The following MAPK10 variants were observed in gnomAD, a reference collection of about 807,000 sequenced individuals.
MAPK10 encodes the protein JNK3 alpha protein kinase.
A neutral mutation model predicts 59.3 loss-of-function variants in MAPK10; 25 were observed. That is an observed-to-expected ratio of 0.42 (90% CI 0.31 to 0.59). The LOEUF (loss-of-function observed/expected upper bound fraction) is 0.59. Among genes scored for constraint, MAPK10 ranks in the 20% least tolerant of loss-of-function variants. The pLI, the probability that MAPK10 is intolerant of heterozygous loss-of-function variation, is 0.15. For missense variants in MAPK10, 351 were observed against 568.9 expected (o/e 0.62, Z 3.90); for synonymous variants, 190 against 200.5 (o/e 0.95, Z 0.44).
At chr4:86,286,167 A>G (rs1378719051) in intron 2 of MAPK10, among the ~76,000 whole-genome samples, 1 of 152,238 alleles carries the variant, frequency 6.6e-6, no homozygotes, top group Admixed American at 6.5e-5. Context: ...TTTTAAAGAA[A>G]TGTGTAAACC....
At chr4:86,185,410 G>C (rs1030305191) in intron 3 of MAPK10, among the ~76,000 whole-genome samples, 2 of 152,120 alleles carry the variant, frequency 1.3e-5, no homozygotes, top group African/African-American at 2.4e-5. Flanking sequence ...GATAACAGAA[G>C]AACATTTTAG....
chr4:86,148,280 G>T (rs1179055782), intron 4 of MAPK10, among the ~76,000 whole-genome samples: 1 of 152,206 alleles, frequency 6.6e-6, no homozygotes. Flanking sequence ...ATGTGAAAAT[G>T]AGAGCAATTT....
intron 13 of MAPK10, chr4:86,024,597 G>A (rs1477310367): frequency 6.6e-6 from 1 of 152,162 alleles, no homozygotes; most frequent in Non-Finnish European, 1.5e-5. Flanking sequence ...CTACTGCTGA[G>A]TAGTAGCACA....
At chr4:86,483,801 G>A (rs1257970895) in intron 1 of MAPK10, among the ~76,000 whole-genome samples, 1 of 152,124 alleles carries the variant, frequency 6.6e-6, no homozygotes, top group South Asian at 2.1e-4. Flanking sequence ...ATCATGAAAT[G>A]AGATTAGATG....
At chr4:86,227,228 C>A (rs1019685087) in intron 2 of MAPK10, among the ~76,000 whole-genome samples, 3 of 152,060 alleles carry the variant, frequency 2.0e-5, no homozygotes, top group African/African-American at 7.2e-5. Context: ...TGGCTCATGC[C>A]TATAATCCCA....
chr4:86,544,066 G>C (rs930177018), intron 1 of MAPK10, among the ~76,000 whole-genome samples: 4 of 152,188 alleles, frequency 2.6e-5, no homozygotes, highest in Admixed American at 2.6e-4. Context: ...TGCTCATGTG[G>C]AGGGAGAGAA....
chr4:86,051,057 G>A (rs1017246518), intron 11 of MAPK10, among the ~76,000 whole-genome samples: 2 of 152,072 alleles, frequency 1.3e-5, no homozygotes, highest in African/African-American at 4.8e-5. Context: ...TTTGATTGTT[G>A]ATTGAACTCA....
At chr4:86,284,022 C>T (rs1237988010) in intron 2 of MAPK10, among the ~76,000 whole-genome samples, 1 of 152,120 alleles carries the variant, frequency 6.6e-6, no homozygotes, top group Non-Finnish European at 1.5e-5. Context: ...CCCAATTAAT[C>T]AGCACCTCAC....
chr4:86,112,453 G>A (rs2057647051), intron 4 of MAPK10, among the ~76,000 whole-genome samples: 1 of 152,032 alleles, frequency 6.6e-6, no homozygotes, highest in Non-Finnish European at 1.5e-5. Context: ...CTTGATTTCT[G>A]CCTTAATTTC....
chr4:86,206,011 T>C (rs1160665726), intron 2 of MAPK10, among the ~76,000 whole-genome samples: 2 of 152,122 alleles, frequency 1.3e-5, no homozygotes, highest in East Asian at 1.9e-4. Context: ...AACAAACTGT[T>C]CTCCACTGAA....
chr4:86,177,926 TAATATTTCATA>T (rs2076048718), intron 3 of MAPK10, among the ~76,000 whole-genome samples: 1 of 152,102 alleles, frequency 6.6e-6, no homozygotes, highest in South Asian at 2.1e-4. Context: ...AGTCATCTAA[TAATATTTCATA>T]TTTATTTAAA....
At chr4:86,381,846 GGAGT>G (rs1213819776) in intron 1 of MAPK10, among the ~76,000 whole-genome samples, 1 of 152,152 alleles carries the variant, frequency 6.6e-6, no homozygotes, top group Non-Finnish European at 1.5e-5. Context: ...GACCCAACAA[GGAGT>G]GAGTCCAGAA....
intron 1 of MAPK10, among the ~76,000 whole-genome samples, chr4:86,374,525 G>GA (rs1484661657): frequency 5.3e-5 from 8 of 152,192 alleles, no homozygotes; most frequent in African/African-American, 1.9e-4. Context: ...TGGAAAGGTG[G>GA]CAGTCAGAGC....
At chr4:86,326,191 A>T (rs2096018094) in intron 2 of MAPK10, 1 of 152,218 alleles carries the variant, frequency 6.6e-6, no homozygotes. Flanking sequence ...AAGGAAACAC[A>T]TGAAAGAACA....
At chr4:86,445,113 T>G (rs774434309) in intron 1 of MAPK10, among the ~76,000 whole-genome samples, 17 of 152,170 alleles carry the variant, frequency 1.1e-4, no homozygotes, top group Non-Finnish European at 2.4e-4. Flanking sequence ...CAAAGATACA[T>G]GCACACATAT....
At chr4:86,432,266 T>A (rs1260719513) in intron 1 of MAPK10, among the ~76,000 whole-genome samples, 2 of 151,936 alleles carry the variant, frequency 1.3e-5, no homozygotes, top group African/African-American at 2.4e-5. Context: ...TTTTTGCTTG[T>A]TTGTTTGTTT....
chr4:86,124,388 G>A (rs2059738410), intron 4 of MAPK10: 1 of 151,756 alleles, frequency 6.6e-6, no homozygotes, highest in Admixed American at 6.6e-5. Context: ...CTTTAACATA[G>A]CAATCGGCAT....
At chr4:86,269,152 T>G (rs75326055) in intron 2 of MAPK10, among the ~76,000 whole-genome samples, 2,046 of 152,268 alleles carry the variant, frequency 0.013, 36 homozygotes, top group African/African-American at 0.047. Context: ...AATAAACGAT[T>G]GCCTGCAATG....
At chr4:86,098,290 A>G in intron 9 of MAPK10, 1 of 387,150 alleles carries the variant, frequency 2.6e-6, no homozygotes, top group Non-Finnish European at 4.4e-6. Flanking sequence ...TTTTAGTTGC[A>G]GGCAAGAAAG....
Sources: allele counts gnomAD v4.1 joint callset (sites outside exome capture counted in the v4.1 genomes callset), GRCh38; gene constraint gnomAD v4.1.1; transcripts MANE v1.5; gene names NCBI Gene and HGNC (gene_info 2026-07-23, HGNC 2026-07-21).